Variants in LRMDA observed in about 807,000 individuals in gnomAD.
LRMDA encodes leucine-rich melanocyte differentiation-associated protein.
LRMDA carries 18 observed loss-of-function variants against 29.8 expected under a neutral mutation model. The ratio of observed to expected loss-of-function variants is 0.60; its 90% CI spans 0.42 to 0.90. The LOEUF is 0.90. LRMDA is among the 40% of genes least tolerant of loss of function. The pLI, the probability that LRMDA is intolerant of heterozygous loss-of-function variation, is 0.00. For missense variants in LRMDA, 273 were observed against 273.9 expected, an observed-to-expected ratio of 1.00 and a Z score of 0.02; for synonymous variants, 125 against 109.4, an observed-to-expected ratio of 1.14 and a Z score of -0.89.
At chr10:76,250,659 C>A (rs1347641049) in intron 5 of LRMDA, among the ~76,000 whole-genome samples, 2 of 152,192 alleles carry the variant, frequency 1.3e-5, no homozygotes, top group Non-Finnish European at 2.9e-5. Flanking sequence ...AGTATTAAAA[C>A]TGCTTTGAAT....
At chr10:75,955,184 CTG>C (rs752171045) in intron 2 of LRMDA, among the ~76,000 whole-genome samples, 4 of 152,024 alleles carry the variant, frequency 2.6e-5, no homozygotes, top group Non-Finnish European at 4.4e-5. Context: ...AAAGTGGAGA[CTG>C]GGGTTTTGGC....
chr10:75,575,825 C>T lies in LRMDA; in HGVS notation c.131+137331C>T, dbSNP rs749655486. On this transcript the variant is annotated intron_variant, in intron 2 of 6. Transcript: ENST00000611255. The stretch of plus-strand genomic sequence containing the variant: ...GCATTAGGGACTGTATCATGCACTC[C>T]GGCCCAGATACTGAGCTTTTCCCGC... Among the ~76,000 whole-genome samples the T allele has an allele frequency of 5.9e-5, 9 of 152,138 alleles. No homozygotes were observed. In the South Asian group the frequency reaches 6.2e-4, roughly 11 times the overall value.
intron 2 of LRMDA, among the ~76,000 whole-genome samples, chr10:75,905,915 T>TC (rs767072688): frequency 2.1e-5 from 3 of 143,924 alleles, no homozygotes; most frequent in Non-Finnish European, 3.0e-5. Context: ...GGTCACTGAG[T>TC]CCCCCTAGCC....
chr10:76,486,686 A>G (rs2132331412), intron 6 of LRMDA, among the ~76,000 whole-genome samples: 1 of 152,010 alleles, frequency 6.6e-6, no homozygotes, highest in African/African-American at 2.4e-5. Flanking sequence ...ATGTAGTGGG[A>G]ATTTTAAAAA....
intron 2 of LRMDA, among the ~76,000 whole-genome samples, chr10:75,613,000 T>A (rs1284475544): frequency 6.6e-6 from 1 of 152,208 alleles, no homozygotes; most frequent in African/African-American, 2.4e-5. Context: ...CGTATGCTAT[T>A]GTGGTTGAAC....
At chr10:75,869,744 T>C (rs1845078443) in intron 2 of LRMDA, among the ~76,000 whole-genome samples, 1 of 152,196 alleles carries the variant, frequency 6.6e-6, no homozygotes, top group Non-Finnish European at 1.5e-5. Flanking sequence ...TTCCTGCCTG[T>C]CTTCCCCATC....
intron 2 of LRMDA, among the ~76,000 whole-genome samples, chr10:75,586,341 C>G (rs79486124): frequency 6.4e-5 from 5 of 78,312 alleles, no homozygotes; most frequent in Non-Finnish European, 8.9e-5. Context: ...TTCACCAACA[C>G]GTCTTTTTTT....
chr10:76,434,206 GT>G (rs758097243), intron 6 of LRMDA, among the ~76,000 whole-genome samples: 2 of 151,700 alleles, frequency 1.3e-5, no homozygotes, highest in Non-Finnish European at 2.9e-5. Flanking sequence ...AAACATCAAT[GT>G]CCTGATTATA....
At chr10:76,293,012 A>C (rs538387958) in intron 5 of LRMDA, among the ~76,000 whole-genome samples, 1 of 152,272 alleles carries the variant, frequency 6.6e-6, no homozygotes, top group East Asian at 1.9e-4. Context: ...TCTGTCACCC[A>C]GTCTGTAATG....
rs144292381 is a variant in LRMDA, at chr10:76,006,408, C to A, written c.132-29600C>A. On this transcript the variant is annotated intron_variant, in intron 2 of 6. Transcript: ENST00000611255. ...TGCCTCTGTCCGGCCATGTGAAGACCGGCTGGCTAGTGTAGGGGGCTCTTG... is the reference window on the plus strand; with the variant it reads ...TGCCTCTGTCCGGCCATGTGAAGACAGGCTGGCTAGTGTAGGGGGCTCTTG... Among the ~76,000 whole-genome samples, 45 of 152,276 alleles carry A rather than the reference C, an allele frequency of 3.0e-4. 1 individual carries two copies. Among genetic ancestry groups the A allele is most frequent in the African/African-American group, 1.0e-3 (43 of 41,550 alleles).
chr10:76,093,011 G>A (rs1222840592), intron 5 of LRMDA, among the ~76,000 whole-genome samples: 1 of 152,008 alleles, frequency 6.6e-6, no homozygotes, highest in Non-Finnish European at 1.5e-5. Context: ...GACCGTTAGG[G>A]CACCATGAAC....
intron 2 of LRMDA, among the ~76,000 whole-genome samples, chr10:75,710,136 G>A (rs1314920478): frequency 6.6e-6 from 1 of 152,190 alleles, no homozygotes; most frequent in South Asian, 2.1e-4. Context: ...AAGAGAAACC[G>A]AGGGAGCAAT....
chr10:75,578,658 C>G (rs1204991176), intron 2 of LRMDA, among the ~76,000 whole-genome samples: 2 of 152,146 alleles, frequency 1.3e-5, no homozygotes, highest in African/African-American at 4.8e-5. Context: ...GTAAACCACT[C>G]CTCAGCAAAT....
chr10:76,119,641 A>G (rs937233961), intron 5 of LRMDA, among the ~76,000 whole-genome samples: 1 of 152,034 alleles, frequency 6.6e-6, no homozygotes. Context: ...CCATCAGAGG[A>G]CAGTCACTCT....
chr10:76,057,202 C>G (rs1355126880), intron 4 of LRMDA, among the ~76,000 whole-genome samples: 1 of 152,158 alleles, frequency 6.6e-6, no homozygotes, highest in Non-Finnish European at 1.5e-5. Flanking sequence ...CTCTGTGCTC[C>G]CATAACCACT....
At chr10:75,856,074 T>C (rs1844821008) in intron 2 of LRMDA, among the ~76,000 whole-genome samples, 1 of 152,238 alleles carries the variant, frequency 6.6e-6, no homozygotes, top group Non-Finnish European at 1.5e-5. Flanking sequence ...ATATGAACTT[T>C]TAAGGAGTTT....
intron 6 of LRMDA, among the ~76,000 whole-genome samples, chr10:76,421,812 C>T (rs1286753600): frequency 1.3e-5 from 2 of 152,080 alleles, no homozygotes; most frequent in African/African-American, 4.8e-5. Flanking sequence ...TGGTTTGGAT[C>T]TTTGGGCATT....
chr10:76,315,941 A>G (rs1310370428), intron 5 of LRMDA, among the ~76,000 whole-genome samples: 3 of 152,096 alleles, frequency 2.0e-5, no homozygotes, highest in African/African-American at 7.2e-5. Flanking sequence ...GGAGCTACAT[A>G]CACACTGTGG....
At chr10:75,797,446 T>C (rs1164983187) in intron 2 of LRMDA, among the ~76,000 whole-genome samples, 1 of 152,156 alleles carries the variant, frequency 6.6e-6, no homozygotes, top group Non-Finnish European at 1.5e-5. Context: ...TCTTCAGTGA[T>C]TTTTTTAAAA....
Sources: allele counts gnomAD v4.1 joint callset (sites outside exome capture counted in the v4.1 genomes callset), GRCh38; gene constraint gnomAD v4.1.1; transcripts MANE v1.5; gene names NCBI Gene and HGNC (gene_info 2026-07-23, HGNC 2026-07-21).